BAZ1A: variants seen among roughly 807,000 people sequenced by gnomAD.
BAZ1A encodes the protein bromodomain adjacent to zinc finger domain protein 1A.
Under a neutral mutation model 185.2 loss-of-function variants are expected in BAZ1A, and 50 were observed. The ratio of observed to expected loss-of-function variants is 0.27; its 90% confidence interval spans 0.22 to 0.34. The LOEUF (loss-of-function observed/expected upper bound fraction) is 0.34, where lower values mean the gene tolerates loss of function less well. Among genes scored for constraint, BAZ1A ranks in the 10% least tolerant of loss-of-function variants. The pLI, the probability that BAZ1A is intolerant of heterozygous loss-of-function variation, is 1.00. For missense variants in BAZ1A, 1,356 were observed against 1,839.9 expected, an observed-to-expected ratio of 0.74 and a Z score of 4.81; for synonymous variants, 571 against 615.6, an observed-to-expected ratio of 0.93 and a Z score of 1.07.
At chr14:34,786,812 T>G (rs1297674442) in intron 12 of BAZ1A, among the ~76,000 whole-genome samples, 1 of 151,754 alleles carries the variant, frequency 6.6e-6, no homozygotes, top group Admixed American at 6.6e-5. Flanking sequence ...TTCACCTTGT[T>G]GGTCAGGCTG....
intron 6 of BAZ1A, among the ~76,000 whole-genome samples, chr14:34,804,458 C>T (rs182576682): frequency 3.3e-5 from 5 of 152,166 alleles, no homozygotes; most frequent in East Asian, 1.9e-4. Context: ...AATAATGACA[C>T]AAAATACAAA....
chr14:34,837,959 C>T (rs7149819), intron 3 of BAZ1A, among the ~76,000 whole-genome samples: 9,631 of 152,220 alleles, frequency 0.063, 413 homozygotes, highest in Non-Finnish European at 0.098. Context: ...TCAAACTAAC[C>T]GGCCTCAATG....
rs1186918430 is a variant in BAZ1A, at chr14:34,824,206, A to G, written c.536+1807T>C. On this transcript the variant is annotated intron_variant, in intron 4 of 26. Coordinates refer to ENST00000360310, the MANE Select transcript of BAZ1A (RefSeq NM_013448.3). ...AAGACTGTGTCTCTACTTAAAAAAA[A>G]AAAAAAAAAAATTAAAAATTAGCCA... Among the ~76,000 whole-genome samples the G allele has an allele frequency of 2.7e-5, 4 of 150,134 alleles. No individual in the cohort carries two copies. The Admixed American group carries it at 2.7e-4, about 10-fold the overall frequency.
chr14:34,800,574 G>A (rs1594854029), intron 8 of BAZ1A, among the ~76,000 whole-genome samples, 184 bp from the exon 9 acceptor site: 1 of 152,190 alleles, frequency 6.6e-6, no homozygotes, highest in East Asian at 1.9e-4. Flanking sequence ...CTAAGTTTAT[G>A]ACAAACTACA....
chr14:34,766,204 T>C (rs1878826059), intron 21 of BAZ1A, among the ~76,000 whole-genome samples: 1 of 152,198 alleles, frequency 6.6e-6, no homozygotes, highest in Admixed American at 6.5e-5. Context: ...TTAAATGAGA[T>C]AATACGCATA....
intron 4 of BAZ1A, among the ~76,000 whole-genome samples, chr14:34,823,910 T>G (rs935627417): frequency 2.0e-5 from 3 of 152,068 alleles, no homozygotes; most frequent in Non-Finnish European, 4.4e-5. Flanking sequence ...CTAACTCCAT[T>G]TAAAGGTTAC....
At chr14:34,765,346 T>C in intron 21 of BAZ1A, 78 bp from the exon 22 acceptor site, 1 of 1,508,474 alleles carries the variant, frequency 6.6e-7, no homozygotes, top group Non-Finnish European at 8.9e-7. Context: ...GTTGGTAGTT[T>C]AAATATAGGT....
At chr14:34,856,993 G>A (rs1269458008) in intron 3 of BAZ1A, among the ~76,000 whole-genome samples, 3 of 151,314 alleles carry the variant, frequency 2.0e-5, no homozygotes, top group Non-Finnish European at 2.9e-5. Context: ...ACTTCCTGAG[G>A]CTTCTGCATC....
chr14:34,813,233 C>T (rs1254981179), intron 4 of BAZ1A, among the ~76,000 whole-genome samples: 1 of 152,020 alleles, frequency 6.6e-6, no homozygotes, highest in Non-Finnish European at 1.5e-5. Flanking sequence ...CACACACACA[C>T]ACACAAAACC....
At chr14:34,758,525 A>G in intron 25 of BAZ1A, 179 bp downstream of exon 25, 1 of 521,828 alleles carries the variant, frequency 1.9e-6, no homozygotes, top group Non-Finnish European at 3.3e-6. Flanking sequence ...GCTTGCAGTG[A>G]GCCGAGATCG....
chr14:34,830,889 G>T (rs192501864), intron 3 of BAZ1A, among the ~76,000 whole-genome samples: 152 of 151,060 alleles, frequency 1.0e-3, no homozygotes, highest in African/African-American at 3.6e-3. Context: ...CCAAGAAGCT[G>T]GGACTACAGG....
intron 23 of BAZ1A, among the ~76,000 whole-genome samples, chr14:34,764,150 T>C (rs565736023): frequency 1.3e-5 from 2 of 152,244 alleles, no homozygotes; most frequent in African/African-American, 4.8e-5. Context: ...GGCAGAAGTA[T>C]AAAAATACAG....
intron 3 of BAZ1A, among the ~76,000 whole-genome samples, chr14:34,838,189 C>A (rs970235261): frequency 6.6e-6 from 1 of 152,190 alleles, no homozygotes; most frequent in Non-Finnish European, 1.5e-5. Context: ...CCATTAAACA[C>A]TTCCGTTATA....
At chr14:34,824,398 A>AG (rs1555342714) in intron 4 of BAZ1A, among the ~76,000 whole-genome samples, 18 of 104,216 alleles carry the variant, frequency 1.7e-4, no homozygotes, top group Non-Finnish European at 3.2e-4. Context: ...AAAAAAAAAA[A>AG]GCAGCAACTC....
intron 15 of BAZ1A, 100 bp downstream of exon 15, chr14:34,783,662 A>G: frequency 7.1e-7 from 1 of 1,416,404 alleles, no homozygotes; most frequent in Non-Finnish European, 9.5e-7. Context: ...ATCAAACATC[A>G]GTATAATGAA....
At chr14:34,754,440 G>GA (rs1388271014) in intron 26 of BAZ1A, among the ~76,000 whole-genome samples, 4 of 147,980 alleles carry the variant, frequency 2.7e-5, no homozygotes, top group Admixed American at 2.0e-4. Flanking sequence ...AAAGAAAAAA[G>GA]AAAAAGAAGA....
intron 2 of BAZ1A, among the ~76,000 whole-genome samples, chr14:34,870,406 T>C (rs1594921990): frequency 1.3e-5 from 2 of 152,208 alleles, no homozygotes; most frequent in African/African-American, 4.8e-5. Context: ...GAAAACCCCA[T>C]GCTCACCAAA....
Position 34,785,704 on chromosome 14 carries a change from C to G in BAZ1A, c.1831+73G>C. 3.9e-6 allele frequency: 5 copies of G among 1,295,880 alleles called. No individual in the cohort carries two copies. In the South Asian group the frequency reaches 5.2e-5, roughly 13 times the overall value. The allele number at this position is 1,295,880 out of a possible 1,614,324, so 80.3% of individuals were successfully genotyped here. A position where few individuals can be genotyped will look rare whatever the true frequency, so the allele number is the denominator to read the frequency against. On this transcript the variant is annotated intron_variant, in intron 14 of 26. Coordinates refer to ENST00000360310, the MANE Select transcript of BAZ1A (RefSeq NM_013448.3). The stretch of plus-strand genomic sequence containing the variant: ...ACTGATTTATTGTAAAATTTCTCAT[C>G]AGCTCCTTAGTTTTCTGGGCATAAG...
chr14:34,873,862 G>A (rs1004750123), intron 2 of BAZ1A, among the ~76,000 whole-genome samples: 1 of 152,182 alleles, frequency 6.6e-6, no homozygotes, highest in African/African-American at 2.4e-5. Flanking sequence ...GGGAGGCCGC[G>A]GACGGAGGCT....
Sources: allele counts gnomAD v4.1 joint callset (sites outside exome capture counted in the v4.1 genomes callset), GRCh38; gene constraint gnomAD v4.1.1; transcripts MANE v1.5; gene names NCBI Gene and HGNC (gene_info 2026-07-23, HGNC 2026-07-21).